Variants in POC1B observed in about 807,000 individuals in gnomAD.
POC1B encodes POC1 centriolar protein homolog B.
Under a neutral mutation model 60.6 loss-of-function variants are expected in POC1B, and 44 were observed. The observed-to-expected ratio is 0.73, with a 90% confidence interval of 0.57 to 0.93. The LOEUF (loss-of-function observed/expected upper bound fraction) is 0.93. Ranked by LOEUF, POC1B falls within the 40% of genes least tolerant of loss-of-function variation. The pLI is 0.00. For missense variants in POC1B, 555 were observed against 572.3 expected (o/e 0.97, Z 0.31); for synonymous variants, 180 against 198.9 (o/e 0.90, Z 0.80).
intron 2 of POC1B, among the ~76,000 whole-genome samples, chr12:89,511,789 G>C (rs193137770): frequency 1.1e-3 from 173 of 152,206 alleles, no homozygotes; most frequent in Non-Finnish European, 1.8e-3. Flanking sequence ...TGGCATAATG[G>C]CTCACTGTAA....
At chr12:89,514,256 A>G (rs928206947) in intron 2 of POC1B, among the ~76,000 whole-genome samples, 3 of 152,048 alleles carry the variant, frequency 2.0e-5, no homozygotes, top group Admixed American at 6.6e-5. Context: ...AGCTCTGGCC[A>G]TGTAAGATGT....
intron 2 of POC1B, chr12:89,522,262 A>C: frequency 2.5e-6 from 1 of 398,160 alleles, no homozygotes; most frequent in African/African-American, 2.1e-5. Flanking sequence ...AATTACACAT[A>C]TCTCTAAAAC....
intron 6 of POC1B, 34 bp downstream of exon 6, chr12:89,471,580 C>T (rs981385239): frequency 2.7e-6 from 4 of 1,508,518 alleles, no homozygotes; most frequent in South Asian, 1.1e-5. Flanking sequence ...GGAGTCCATT[C>T]GGTAACTGAA....
the POC1B span, among the ~76,000 whole-genome samples, chr12:89,404,339 G>T: frequency 6.6e-6 from 1 of 152,132 alleles, no homozygotes; most frequent in Non-Finnish European, 1.5e-5. Context: ...ATGGGCTCAT[G>T]TGTGACCTAT....
chr12:89,405,451 T>G, the POC1B span, among the ~76,000 whole-genome samples: 2 of 152,122 alleles, frequency 1.3e-5, no homozygotes, highest in Admixed American at 6.5e-5. Flanking sequence ...AAGACCAGCC[T>G]GGCCAACGTG....
In POC1B at chr12:89,471,613, C is replaced by T. The variant is rs909373397; in HGVS notation, c.676+1G>A. 5 of 1,599,346 alleles carry T rather than the reference C, an allele frequency of 3.1e-6. No homozygotes were observed. In the Admixed American group the frequency reaches 5.1e-5, roughly 16 times the overall value. ...GAATTTTTTGTTAGGAAAATTGTTA[C>T]CTTGGTAATGCTGTAGTAATTTGTT... On this transcript the variant is annotated splice_donor_variant, in intron 6 of 11. Transcript: ENST00000313546. LOFTEE classifies it high-confidence loss of function.
chr12:89,473,218 G>A (rs548269590), intron 4 of POC1B, among the ~76,000 whole-genome samples: 33 of 152,144 alleles, frequency 2.2e-4, no homozygotes, highest in Admixed American at 3.3e-4. Flanking sequence ...ATCAATTAAG[G>A]GTGTGGAATA....
At position 89,491,921 on chromosome 12, in the gene POC1B, A is replaced by T. The variant is rs761386956; in HGVS notation, c.452+15T>A. On this transcript the variant is annotated intron_variant, in intron 4 of 11. Coordinates refer to ENST00000313546, the MANE Select transcript of POC1B (RefSeq NM_172240.3). ...AAATATGTGGACATCTTAATATGAA[A>T]TTTTTTGCACTTACTTGGCACAGCG... 2 of 1,474,082 alleles carry T rather than the reference A, an allele frequency of 1.4e-6. No individual in the cohort carries two copies. Among genetic ancestry groups the T allele is most frequent in the Admixed American group, 5.0e-5 (2 of 39,810 alleles). The allele number at this position is 1,474,082 out of a possible 1,614,324, so 91.3% of individuals were successfully genotyped here.
intron 2 of POC1B, among the ~76,000 whole-genome samples, chr12:89,517,298 C>G (rs1022080856): frequency 2.6e-5 from 4 of 152,140 alleles, no homozygotes; most frequent in African/African-American, 9.7e-5. Flanking sequence ...TTCCTTGACC[C>G]CATAAATATA....
At chr12:89,476,215 G>A (rs1883098354) in intron 4 of POC1B, among the ~76,000 whole-genome samples, 1 of 151,946 alleles carries the variant, frequency 6.6e-6, no homozygotes, top group Admixed American at 6.6e-5. Flanking sequence ...CCCAGAATGA[G>A]GAAATTCTTG....
chr12:89,474,078 TG>T (rs1307445133), intron 4 of POC1B, among the ~76,000 whole-genome samples: 1 of 151,904 alleles, frequency 6.6e-6, no homozygotes, highest in African/African-American at 2.4e-5. Flanking sequence ...TGGTGGCAGG[TG>T]CCTGTAATCC....
At chr12:89,450,026 G>A (rs1022929667) in intron 10 of POC1B, among the ~76,000 whole-genome samples, 1 of 152,116 alleles carries the variant, frequency 6.6e-6, no homozygotes, top group African/African-American at 2.4e-5. Flanking sequence ...AAAACCTCAA[G>A]AAGAGTAGCT....
At chr12:89,500,329 GA>G (rs1869490896) in intron 2 of POC1B, 1 of 1,514,554 alleles carries the variant, frequency 6.6e-7, no homozygotes, top group Admixed American at 1.7e-5. Context: ...AAGAGTGCCA[GA>G]AATCACATCC....
chr12:89,476,711 T>G (rs1325938832), intron 4 of POC1B, among the ~76,000 whole-genome samples: 1 of 93,678 alleles, frequency 1.1e-5, no homozygotes, highest in East Asian at 4.6e-4. Flanking sequence ...GATAGATAGA[T>G]AGATAGATAG....
At chr12:89,409,489 T>C in the POC1B span, among the ~76,000 whole-genome samples, 5,346 of 152,252 alleles carry the variant, frequency 0.035, 311 homozygotes, top group East Asian at 0.26. Context: ...TATATATCTG[T>C]TTTGGTACCA....
chr12:89,525,445 G>T (rs1871374257), intron 1 of POC1B: 2 of 1,374,732 alleles, frequency 1.5e-6, no homozygotes, highest in South Asian at 1.7e-5. Flanking sequence ...GCGCTTCCCA[G>T]AGTCCAGCGC....
the POC1B span, among the ~76,000 whole-genome samples, chr12:89,407,856 T>A: frequency 6.6e-6 from 1 of 152,228 alleles, no homozygotes; most frequent in African/African-American, 2.4e-5. Flanking sequence ...GTGCAGAACG[T>A]GCAGGTTTGT....
At chr12:89,406,561 C>T in the POC1B span, among the ~76,000 whole-genome samples, 1 of 152,050 alleles carries the variant, frequency 6.6e-6, no homozygotes, top group Non-Finnish European at 1.5e-5. Context: ...TTGTTGTCTG[C>T]GTTCTGGCAC....
chr12:89,501,945 G>A (rs1349632083), intron 2 of POC1B: 1 of 1,012,020 alleles, frequency 9.9e-7, no homozygotes, highest in Non-Finnish European at 1.6e-6. Context: ...GTTGTTTCCT[G>A]AGTGAGCCAT....
Sources: gnomAD v4.1 joint callset for allele counts (sites outside exome capture counted in the v4.1 genomes callset) on GRCh38, gnomAD v4.1.1 for gene constraint, MANE v1.5 for transcripts, NCBI Gene and HGNC (gene_info 2026-07-23, HGNC 2026-07-21) for gene names.